Variants in ZNF628 observed in about 807,000 individuals in gnomAD.
ZNF628 encodes zinc finger protein 628.
ZNF628 carries 3 observed loss-of-function variants against 2.5 expected under a neutral mutation model. The observed-to-expected ratio is 1.19, with a 90% CI of 0.54 to 3.07. The LOEUF (loss-of-function observed/expected upper bound fraction) is 3.07. ZNF628 is among the 30% of genes most tolerant of loss of function. The pLI is 0.03. For synonymous variants in ZNF628, 861 were observed against 717.1 expected (o/e 1.20, Z -3.21); for missense variants, 1,610 against 1,517.1 (o/e 1.06, Z -1.02).
chr19:55,481,265 G>T lies in ZNF628; in HGVS notation c.72G>T (p.Lys24Asn). 6.3e-7 allele frequency: 1 copy of T among 1,590,448 alleles called. No individual in the cohort carries two copies. Among genetic ancestry groups the T allele is most frequent in the Non-Finnish European group, 8.5e-7 (1 of 1,170,550 alleles). ...CTACTGCGGAGGGGGCCGGGGAGAA[G>T]CCAGGCCCTGCGGCCCCTGCCCCGG... ...PASTAEGAGE[K>N]PGPAAPAPAA... Residue 24 changes from lysine (K) to asparagine (N), a missense_variant, in exon 3 of 3, where the codon AAG becomes AAT. Coordinates refer to ENST00000598519, the MANE Select transcript of ZNF628 (RefSeq NM_033113.3).
Position 55,481,226 on chromosome 19 carries a change from C to G in ZNF628, c.33C>G (p.Asp11Glu), listed in dbSNP as rs776370591. MSGVMVGSHADMAPASTAEGA... is the reference protein window; with the variant it reads MSGVMVGSHAEMAPASTAEGA... ...GTGTGATGGTCGGCTCCCACGCGGA[C>G]ATGGCGCCGGCCTCTACTGCGGAGG... The change falls in exon 3 of 3, where the codon GAC becomes GAG. Residue 11 changes from aspartate to glutamate, a missense_variant. Physicochemically the swap from Asp to Glu is conservative, Grantham distance 45 (BLOSUM62 2). Around this residue, in one of 5 missense-constraint regions of ZNF628, gnomAD observed 60 missense variants for 46.8 expected, o/e 1.28. Coordinates refer to ENST00000598519, the MANE Select transcript of ZNF628 (RefSeq NM_033113.3). 2 of 1,565,412 alleles carry G rather than the reference C, an allele frequency of 1.3e-6. No individual in the cohort carries two copies. Among genetic ancestry groups the G allele is most frequent in the Non-Finnish European group, 1.7e-6 (2 of 1,158,522 alleles).
chr19:55,482,342 G>C lies in ZNF628; in HGVS notation c.1149G>C (p.Gly383=). The change falls in exon 3 of 3, where the codon GGG becomes GGC. Residue 383 remains glycine (G), a synonymous_variant. Transcript: ENST00000598519. ...AGCACAGCCACGGGGCTGCCGGCGG[G>C]CAAGCGTTCCGCTGCGGCAGCTGCG... ...RHQHSHGAAG[G]QAFRCGSCDG... 1 of 1,451,674 alleles carries C rather than the reference G, an allele frequency of 6.9e-7. No homozygotes were observed. The highest frequency in any genetic ancestry group is 9.0e-7 in the Non-Finnish European group (1 of 1,107,532). The allele number at this position is 1,451,674 out of a possible 1,614,324, so 89.9% of individuals were successfully genotyped here.
rs868787314 is a variant in ZNF628 at position 55,481,966 on chromosome 19, G to T, written c.773G>T (p.Arg258Leu). ...KVFVCDAYLQRHLQPHSPPAP... is the reference protein window; with the variant it reads ...KVFVCDAYLQLHLQPHSPPAP... ...TTCGTGTGCGACGCCTACCTGCAGC[G>T]GCACCTCCAGCCCCACAGCCCGCCC... is the stretch of plus-strand genomic sequence containing the variant. Residue 258 changes from arginine to leucine, a missense_variant, in exon 3 of 3, where the codon CGG (arginine) becomes CTG (leucine). This residue lies in a region of ZNF628 where 651 missense variants were observed against 575.6 expected (regional missense o/e 1.13). Coordinates refer to ENST00000598519, the MANE Select transcript of ZNF628 (RefSeq NM_033113.3). The T allele has an allele frequency of 2.1e-6, 3 of 1,462,800 alleles. No homozygotes were observed. Among genetic ancestry groups the T allele is most frequent in the Non-Finnish European group, 2.7e-6 (3 of 1,114,784 alleles). 90.6% of individuals were successfully genotyped at this position (1,462,800 alleles called of 1,614,324 possible). A position where few individuals can be genotyped will look rare whatever the true frequency, so the allele number is the denominator to read the frequency against.
chr19:55,477,353 G>GTTTTTT (rs60568698), intron 1 of ZNF628, among the ~76,000 whole-genome samples: 13 of 146,842 alleles, frequency 8.9e-5, no homozygotes, highest in South Asian at 2.1e-4. Context: ...CAGTAGGTTT[G>GTTTTTT]TTTTTTTTTT....
rs768200443 is a variant in ZNF628 at position 55,481,446 on chromosome 19, G to T, written c.253G>T (p.Gly85Cys). The T allele has an allele frequency of 6.2e-7, 1 of 1,612,472 alleles. No homozygotes were observed. Among genetic ancestry groups the T allele is most frequent in the African/African-American group, 1.3e-5 (1 of 74,744 alleles). Residue 85 changes from glycine to cysteine, a missense_variant, in exon 3 of 3, where the codon GGC becomes TGC. This residue lies in a region of ZNF628 where 166 missense variants were observed against 241.3 expected (regional missense o/e 0.69). Coordinates refer to ENST00000598519, the MANE Select transcript of ZNF628 (RefSeq NM_033113.3). ...CTCGGCCCTGCTCTACCACCAGCGA[G>T]GCCACACGGGCGAGCGGCCCTACCA... ...GSSALLYHQRGHTGERPYQCP... is the reference protein window; with the variant it reads ...GSSALLYHQRCHTGERPYQCP...
chr19:55,482,520 C>T lies in ZNF628; in HGVS notation c.1327C>T (p.Pro443Ser). ...LAPAAPVPPP[P>S]PSAPASAERP... ...GCCTGCCGCCCCCGTCCCGCCGCCA[C>T]CCCCGTCCGCCCCCGCTTCTGCGGA... The change falls in exon 3 of 3, where the codon CCC (proline) becomes TCC (serine). Residue 443 changes from proline (P) to serine (S), a missense_variant. By Grantham distance (74) the Pro-to-Ser change is moderately conservative. Transcript: ENST00000598519. 1.3e-6 allele frequency: 2 copies of T among 1,497,280 alleles called. No homozygotes were observed. Among genetic ancestry groups the T allele is most frequent in the Non-Finnish European group, 1.8e-6 (2 of 1,128,228 alleles). 92.7% of individuals were successfully genotyped at this position (1,497,280 alleles called of 1,614,324 possible).
rs73608718 is a variant in ZNF628 at position 55,483,710 on chromosome 19, G to A, written c.2517G>A (p.Glu839=). ...CGGTCCAGCTCCAGCCAGCGCAGGA[G>A]GTGACCACAGTCCAGCTCCAGCCAG... is the stretch of plus-strand genomic sequence containing the variant. ...VTTVQLQPAQ[E]VTTVQLQPAQ... is the part of the protein sequence containing the mutation. Residue 839 remains glutamate (E), a synonymous_variant, in exon 3 of 3, where the codon GAG becomes GAA. Transcript: ENST00000598519. 4,908 of 1,613,358 alleles carry A rather than the reference G, an allele frequency of 3.0e-3. 139 individuals are homozygous for A. In the African/African-American group the frequency reaches 0.059, roughly 19 times the overall value.
intron 1 of ZNF628, among the ~76,000 whole-genome samples, chr19:55,478,562 A>G (rs1986619198): frequency 6.6e-6 from 1 of 152,234 alleles, no homozygotes; most frequent in Non-Finnish European, 1.5e-5. Context: ...GAACTGTGGC[A>G]GATTTCTGAG....
rs371736358 is a variant in ZNF628, at chr19:55,483,011, C to T, written c.1818C>T (p.Ser606=). The change falls in exon 3 of 3, where the codon TCC becomes TCT. Residue 606 remains serine (S), a synonymous_variant. Transcript: ENST00000598519. ...TCTGCCCCAAGACCTTCACCCACTC[C>T]TCCAACCTGCTGCTGCACCAGCGCA... ...CPLCPKTFTH[S]SNLLLHQRTH... 2 of 1,612,248 alleles carry T rather than the reference C, an allele frequency of 1.2e-6. No homozygotes were observed. The highest frequency in any genetic ancestry group is 8.5e-7 in the Non-Finnish European group (1 of 1,179,490).
intron 1 of ZNF628, among the ~76,000 whole-genome samples, chr19:55,477,206 A>G (rs1446110577): frequency 6.6e-6 from 1 of 152,194 alleles, no homozygotes; most frequent in Non-Finnish European, 1.5e-5. Context: ...GGGGAGGTCC[A>G]GCCTGCTGAA....
chr19:55,481,246 C>T lies in ZNF628; in HGVS notation c.53C>T (p.Ala18Val), dbSNP rs770111395. 12 of 1,579,348 alleles carry T rather than the reference C, an allele frequency of 7.6e-6. No individual in the cohort carries two copies. In the African/African-American group the frequency reaches 9.5e-5, roughly 12 times the overall value. Residue 18 changes from alanine to valine, a missense_variant, in exon 3 of 3, where the codon GCG becomes GTG. Coordinates refer to ENST00000598519, the MANE Select transcript of ZNF628 (RefSeq NM_033113.3). ...GCGGACATGGCGCCGGCCTCTACTG[C>T]GGAGGGGGCCGGGGAGAAGCCAGGC... Reference protein sequence around the residue: ...SHADMAPASTAEGAGEKPGPA... With the variant: ...SHADMAPASTVEGAGEKPGPA...
chr19:55,483,271 C>G lies in ZNF628; in HGVS notation c.2078C>G (p.Ala693Gly). The G allele has an allele frequency of 2.0e-6, 3 of 1,519,448 alleles. No individual in the cohort carries two copies. Among genetic ancestry groups the G allele is most frequent in the East Asian group, 2.4e-5 (1 of 40,822 alleles). 94.1% of individuals were successfully genotyped at this position (1,519,448 alleles called of 1,614,324 possible). A position where few individuals can be genotyped will look rare whatever the true frequency, so the allele number is the denominator to read the frequency against. The change falls in exon 3 of 3, where the codon GCG (alanine) becomes GGG (glycine). Residue 693 changes from alanine (A) to glycine (G), a missense_variant. Transcript: ENST00000598519. ...CAGGCCACGCTCTCCCTCGAGGTGG[C>G]GGGGGGCACGGCCCAGGCCCCGAGC... ...HLQATLSLEV[A>G]GGTAQAPSLG...
rs753354017 is a variant in ZNF628, at chr19:55,483,553, C to G, written c.2360C>G (p.Ala787Gly). Residue 787 changes from alanine to glycine, a missense_variant, in exon 3 of 3, where the codon GCG becomes GGG. By Grantham distance (60) the Ala-to-Gly change is moderately conservative. Around this residue, in one of 5 missense-constraint regions of ZNF628, gnomAD observed 712 missense variants for 603.6 expected, o/e 1.18. Transcript: ENST00000598519. ...PGPGGLGVQG[A>G]ASAGASGTGQ... ...CCTGGGGGTCTAGGGGTGCAGGGAG[C>G]GGCCAGCGCTGGGGCCAGCGGGACA... 11 of 1,588,360 alleles carry G rather than the reference C, an allele frequency of 6.9e-6. No homozygotes were observed. The East Asian group carries it at 1.1e-4, about 16-fold the overall frequency.
chr19:55,482,987 C>T lies in ZNF628; in HGVS notation c.1794C>T (p.Leu598=). ...HTGERPFRCP[L]CPKTFTHSSN... ...GCGAGCGGCCCTTCCGCTGCCCGCTCTGCCCCAAGACCTTCACCCACTCCT... is the reference window on the plus strand; with the variant it reads ...GCGAGCGGCCCTTCCGCTGCCCGCTTTGCCCCAAGACCTTCACCCACTCCT... The change falls in exon 3 of 3, where the codon CTC becomes CTT. Residue 598 remains leucine (L), a synonymous_variant. Transcript: ENST00000598519. The T allele has an allele frequency of 3.1e-6, 5 of 1,611,832 alleles. No homozygotes were observed. Among genetic ancestry groups the T allele is most frequent in the Non-Finnish European group, 4.2e-6 (5 of 1,179,412 alleles).
Position 55,482,258 on chromosome 19 carries a change from C to A in ZNF628, c.1065C>A (p.Gly355=). The A allele has an allele frequency of 1.4e-6, 2 of 1,463,866 alleles. No individual in the cohort carries two copies. Among genetic ancestry groups the A allele is most frequent in the South Asian group, 1.3e-5 (1 of 77,190 alleles). 90.7% of individuals were successfully genotyped at this position (1,463,866 alleles called of 1,614,324 possible). The stretch of plus-strand genomic sequence containing the variant: ...CTCCCGCCGCCGCCCCCGCGCCTGG[C>A]TTTGCCTGTCTGCCCTGCGGCAAGT... ...PPPPAAAPAP[G]FACLPCGKSF... is the part of the protein sequence containing the mutation. Residue 355 remains glycine (G), a synonymous_variant, in exon 3 of 3, where the codon GGC becomes GGA. Transcript: ENST00000598519.
Position 55,483,797 on chromosome 19 carries a change from G to A in ZNF628, c.2604G>A (p.Gln868=), listed in dbSNP as rs1233411684. The A allele has an allele frequency of 2.5e-6, 4 of 1,613,734 alleles. No individual in the cohort carries two copies. The highest frequency in any genetic ancestry group is 2.7e-5 in the African/African-American group (2 of 74,938). Residue 868 remains glutamine, a synonymous_variant, in exon 3 of 3, where the codon CAG becomes CAA. Coordinates refer to ENST00000598519, the MANE Select transcript of ZNF628 (RefSeq NM_033113.3). ...PAQEVTTVQL[Q]PVAGQLSNSS... is the part of the protein sequence containing the mutation. Reference sequence around the variant, plus strand: ...AGGAGGTGACCACGGTCCAGCTCCAGCCCGTGGCCGGCCAGCTCTCCAATT... The same window carrying A: ...AGGAGGTGACCACGGTCCAGCTCCAACCCGTGGCCGGCCAGCTCTCCAATT...
rs1368005315 is a variant in ZNF628 at position 55,479,429 on chromosome 19, T to G, written c.-77-405T>G. On this transcript the variant is annotated intron_variant, in intron 1 of 2. Transcript: ENST00000598519. The surrounding 1 kb of genome is among the most constrained non-coding windows in gnomAD (Gnocchi z 5.1). ...GAAGTGGAGTGAAGAGCTTTTTGGT[T>G]TTTAAAGATGGGAGACATAGATTGT... 6.6e-6 allele frequency among the ~76,000 whole-genome samples: 1 copy of G among 151,962 alleles called. No homozygotes were observed. Among genetic ancestry groups the G allele is most frequent in the East Asian group, 1.9e-4 (1 of 5,194 alleles).
intron 1 of ZNF628, among the ~76,000 whole-genome samples, chr19:55,477,113 C>G (rs962798978): frequency 1.3e-5 from 2 of 152,202 alleles, no homozygotes; most frequent in African/African-American, 4.8e-5. Context: ...GCAAAAACTC[C>G]TGAGTCCTGG....
chr19:55,484,455 G>A lies in ZNF628; in HGVS notation c.*82G>A. 1 of 1,274,050 alleles carries A rather than the reference G, an allele frequency of 7.8e-7. No individual in the cohort carries two copies. The allele number at this position is 1,274,050 out of a possible 1,614,324, so 78.9% of individuals were successfully genotyped here. A position where few individuals can be genotyped will look rare whatever the true frequency, so the allele number is the denominator to read the frequency against. On this transcript the variant is annotated 3_prime_UTR_variant, in exon 3 of 3. Transcript: ENST00000598519. ...GGGGCGGGGCAGGGTGCCGCAGGCT[G>A]GGCTTGCTAATAAAGACCCGAGTCT...
Sources: allele counts gnomAD v4.1 joint callset (sites outside exome capture counted in the v4.1 genomes callset), GRCh38; gene constraint gnomAD v4.1.1; regional missense constraint gnomAD v4.1.1; non-coding constraint Gnocchi (gnomAD v3.1); transcripts MANE v1.5; gene names NCBI Gene and HGNC (gene_info 2026-07-23, HGNC 2026-07-21).